The following SUPT3H variants were observed in gnomAD, a reference collection of about 807,000 sequenced individuals.
SUPT3H encodes the protein transcription initiation protein SPT3 homolog.
In SUPT3H, 44 loss-of-function variants were observed where a neutral mutation model predicts 44.3. That is an observed-to-expected ratio of 0.99 (90% CI 0.78 to 1.28). SUPT3H has a LOEUF of 1.28. Among genes scored for constraint, SUPT3H ranks in the 50% most tolerant of loss-of-function variants. SUPT3H has a pLI of 0.00. For missense variants in SUPT3H, 380 were observed against 387.1 expected, an observed-to-expected ratio of 0.98 and a Z score of 0.15; for synonymous variants, 124 against 125.6, an observed-to-expected ratio of 0.99 and a Z score of 0.09.
chr6:45,234,333 C>A (rs1475609516), intron 2 of SUPT3H, among the ~76,000 whole-genome samples: 1 of 151,922 alleles, frequency 6.6e-6, no homozygotes, highest in East Asian at 1.9e-4. Context: ...GAGTTTGAGA[C>A]CAGCCTGGCC....
chr6:45,030,166 C>T (rs779380275), intron 3 of SUPT3H, among the ~76,000 whole-genome samples: 23 of 152,154 alleles, frequency 1.5e-4, no homozygotes, highest in Non-Finnish European at 2.5e-4. Context: ...ACGACAGAAG[C>T]GTACCTTGAA....
At chr6:45,334,798 T>C (rs1417727294) in intron 2 of SUPT3H, among the ~76,000 whole-genome samples, 1 of 151,156 alleles carries the variant, frequency 6.6e-6, no homozygotes, top group East Asian at 1.9e-4. Context: ...GGTACTATAG[T>C]TCTGTCATGA....
chr6:45,108,402 ATGTG>A (rs1166050637), intron 2 of SUPT3H, among the ~76,000 whole-genome samples: 2 of 152,166 alleles, frequency 1.3e-5, no homozygotes, highest in Admixed American at 6.5e-5. Flanking sequence ...TTGTTTTGAT[ATGTG>A]TGTGTATGTG....
At chr6:45,283,330 T>C (rs1294285095) in intron 2 of SUPT3H, among the ~76,000 whole-genome samples, 1 of 152,080 alleles carries the variant, frequency 6.6e-6, no homozygotes, top group Admixed American at 6.5e-5. Context: ...TGTGCTGTAT[T>C]CAGGAAACCC....
chr6:44,851,188 T>C (rs943413269), intron 10 of SUPT3H, among the ~76,000 whole-genome samples: 89 of 152,242 alleles, frequency 5.8e-4, no homozygotes, highest in Non-Finnish European at 1.3e-4. Context: ...TACCTTTCCA[T>C]GGCCCTTTAT....
At chr6:45,215,072 C>T (rs12206561) in intron 2 of SUPT3H, among the ~76,000 whole-genome samples, 33,318 of 152,118 alleles carry the variant, frequency 0.22, 4,473 homozygotes, top group Non-Finnish European at 0.31. Context: ...ACAGACACCA[C>T]TGATATCAAA....
intron 10 of SUPT3H, among the ~76,000 whole-genome samples, chr6:44,830,431 A>G (rs888624856): frequency 1.3e-5 from 2 of 152,222 alleles, no homozygotes; most frequent in Non-Finnish European, 2.9e-5. Context: ...ACATACCTGT[A>G]CGTACAGATG....
chr6:44,835,352 AC>A (rs1278260993), intron 10 of SUPT3H, among the ~76,000 whole-genome samples: 1 of 152,172 alleles, frequency 6.6e-6, no homozygotes, highest in African/African-American at 2.4e-5. Flanking sequence ...TATAGAGTAT[AC>A]ATGCTCTGTC....
intron 2 of SUPT3H, among the ~76,000 whole-genome samples, chr6:45,132,352 C>G (rs1803601893): frequency 6.6e-6 from 1 of 152,168 alleles, no homozygotes; most frequent in Admixed American, 6.5e-5. Context: ...TTACAGTTCC[C>G]TATTCCCTTT....
intron 3 of SUPT3H, among the ~76,000 whole-genome samples, chr6:45,082,707 T>C (rs377212244): frequency 2.6e-5 from 4 of 152,070 alleles, no homozygotes; most frequent in African/African-American, 7.2e-5. Context: ...TCCCTAAGAA[T>C]AGGAACAAAG....
intron 3 of SUPT3H, among the ~76,000 whole-genome samples, chr6:45,058,270 G>A (rs1791447962): frequency 6.6e-6 from 1 of 152,000 alleles, no homozygotes; most frequent in South Asian, 2.1e-4. Flanking sequence ...TAGAAATTAT[G>A]CACATTTTTG....
At chr6:44,811,166 G>A (rs1485771773) in intron 11 of SUPT3H, among the ~76,000 whole-genome samples, 1 of 152,124 alleles carries the variant, frequency 6.6e-6, no homozygotes, top group African/African-American at 2.4e-5. Flanking sequence ...TTTATGTCAT[G>A]TCTCCTTAGG....
intron 2 of SUPT3H, among the ~76,000 whole-genome samples, chr6:45,219,447 G>A (rs185494771): frequency 6.9e-4 from 105 of 151,882 alleles, no homozygotes; most frequent in African/African-American, 2.3e-3. Flanking sequence ...TGAAAAAAAC[G>A]ACATTACCAC....
intron 6 of SUPT3H, among the ~76,000 whole-genome samples, chr6:44,978,801 C>A (rs182922247): frequency 1.8e-3 from 280 of 152,242 alleles, no homozygotes; most frequent in African/African-American, 6.6e-3. Context: ...TCTGTCAGAA[C>A]AGGCTAAAAA....
intron 2 of SUPT3H, among the ~76,000 whole-genome samples, chr6:45,343,278 G>A (rs1304852766): frequency 6.6e-6 from 1 of 152,132 alleles, no homozygotes; most frequent in East Asian, 1.9e-4. Context: ...GGGAGGCCGA[G>A]GCGGGCAGAC....
intron 4 of SUPT3H, among the ~76,000 whole-genome samples, chr6:45,017,551 G>A (rs1412889421): frequency 1.3e-5 from 2 of 152,068 alleles, no homozygotes; most frequent in African/African-American, 4.8e-5. Flanking sequence ...TCCAGTTTCA[G>A]CTTTCTACAT....
At chr6:45,062,510 C>T (rs1420715755) in intron 3 of SUPT3H, among the ~76,000 whole-genome samples, 4 of 152,160 alleles carry the variant, frequency 2.6e-5, no homozygotes, top group African/African-American at 7.2e-5. Context: ...GCGTGAGCGA[C>T]GCAGAAGACG....
At chr6:44,886,046 T>C (rs1030679541) in intron 10 of SUPT3H, among the ~76,000 whole-genome samples, 14 of 151,844 alleles carry the variant, frequency 9.2e-5, no homozygotes, top group Admixed American at 3.3e-4. Context: ...TGAAATGAAG[T>C]GAGAAGGGAA....
chr6:44,811,991 T>C (rs1766565874), intron 11 of SUPT3H, among the ~76,000 whole-genome samples: 1 of 152,244 alleles, frequency 6.6e-6, no homozygotes, highest in African/African-American at 2.4e-5. Context: ...ATTCTGTGAC[T>C]GAACCCTGAC....
Sources: allele counts gnomAD v4.1 joint callset (sites outside exome capture counted in the v4.1 genomes callset), GRCh38; gene constraint gnomAD v4.1.1; transcripts MANE v1.5; gene names NCBI Gene and HGNC (gene_info 2026-07-23, HGNC 2026-07-21).